The following DMXL1 variants were observed in gnomAD, a reference collection of about 807,000 sequenced individuals.
DMXL1 encodes the protein dmX-like protein 1.
In DMXL1, 99 loss-of-function variants were observed where a neutral mutation model predicts 319.2. The observed-to-expected ratio is 0.31, with a 90% CI of 0.26 to 0.37. The LOEUF (loss-of-function observed/expected upper bound fraction) is 0.37. Ranked by LOEUF, DMXL1 falls within the 10% of genes least tolerant of loss-of-function variation. The probability of loss-of-function intolerance (pLI) is 1.00; values close to 1 mark genes in which losing one functional copy is unlikely to be tolerated. For synonymous variants in DMXL1, 1,385 were observed against 1,235.2 expected, an observed-to-expected ratio of 1.12 and a Z score of -2.54; for missense variants, 3,745 against 3,595.6, an observed-to-expected ratio of 1.04 and a Z score of -1.06.
chr5:119,092,700 T>C (rs1386086782), intron 1 of DMXL1, among the ~76,000 whole-genome samples: 3 of 152,288 alleles, frequency 2.0e-5, no homozygotes, highest in Middle Eastern at 3.4e-3. Context: ...GCCACTTACA[T>C]TGCTTGTTTG....
At chr5:119,106,637 A>G (rs1361914157) in intron 4 of DMXL1, among the ~76,000 whole-genome samples, 1 of 152,194 alleles carries the variant, frequency 6.6e-6, no homozygotes, top group African/African-American at 2.4e-5. Context: ...GGCTAGTCAT[A>G]CAAGATTTAT....
At chr5:119,140,951 A>G (rs545032445) in intron 13 of DMXL1, among the ~76,000 whole-genome samples, 1 of 152,318 alleles carries the variant, frequency 6.6e-6, no homozygotes, top group East Asian at 1.9e-4. Flanking sequence ...GTTTTGTTCA[A>G]CATATGAAAA....
rs1315515365 is a variant in DMXL1 at position 119,170,604 on chromosome 5, G to T, written c.5813G>T (p.Gly1938Val). The change falls in exon 24 of 44, where the codon GGT (glycine) becomes GTT (valine). Residue 1938 changes from glycine to valine, a missense_variant. Gly to Val is a moderately radical substitution (Grantham distance 109). Coordinates refer to ENST00000539542, the MANE Select transcript of DMXL1 (RefSeq NM_001290321.3). ...LINGFGSSSE[G>V]SSEKQSNSTL... is the part of the protein sequence containing the mutation. ...AATGGTTTTGGATCTTCTTCAGAGG[G>T]TTCCTCAGAGAAGCAATCAAACTCC... 6 of 1,613,610 alleles carry T rather than the reference G, an allele frequency of 3.7e-6. No individual in the cohort carries two copies. Among genetic ancestry groups the T allele is most frequent in the Non-Finnish European group, 5.1e-6 (6 of 1,179,824 alleles).
At chr5:119,138,668 A>G (rs1766583971) in intron 13 of DMXL1, among the ~76,000 whole-genome samples, 1 of 152,098 alleles carries the variant, frequency 6.6e-6, no homozygotes, top group South Asian at 2.1e-4. Flanking sequence ...GTGAAACCCC[A>G]TCTATTAAAA....
intron 4 of DMXL1, among the ~76,000 whole-genome samples, chr5:119,106,914 A>G (rs955717189): frequency 2.0e-5 from 3 of 152,246 alleles, no homozygotes; most frequent in African/African-American, 7.2e-5. Context: ...GAGAGTATCT[A>G]TGACCACACA....
At chr5:119,198,012 G>A in intron 32 of DMXL1, 56 bp downstream of exon 32, 1 of 1,541,214 alleles carries the variant, frequency 6.5e-7, no homozygotes, top group South Asian at 1.1e-5. Flanking sequence ...TTTTTGAGAT[G>A]GTGTCTCGCT....
intron 39 of DMXL1, among the ~76,000 whole-genome samples, chr5:119,234,305 G>A (rs1012890300): frequency 1.3e-5 from 2 of 152,052 alleles, no homozygotes; most frequent in Non-Finnish European, 1.5e-5. Flanking sequence ...TATGTTATTA[G>A]CCCTTTACAA....
chr5:119,087,153 T>C (rs1035430004), intron 1 of DMXL1, among the ~76,000 whole-genome samples: 1 of 152,062 alleles, frequency 6.6e-6, no homozygotes, highest in Non-Finnish European at 1.5e-5. Flanking sequence ...TCTTTTTTTT[T>C]GTCTCTATTT....
At chr5:119,202,879 A>AT (rs1407112096) in intron 32 of DMXL1, among the ~76,000 whole-genome samples, 2 of 109,648 alleles carry the variant, frequency 1.8e-5, no homozygotes, top group Non-Finnish European at 3.9e-5. Context: ...ATATATATAT[A>AT]TATTTTTATA....
intron 1 of DMXL1, among the ~76,000 whole-genome samples, chr5:119,082,011 A>ATC (rs1752304972): frequency 1.4e-5 from 1 of 71,206 alleles, no homozygotes; most frequent in Non-Finnish European, 3.0e-5. Context: ...ATATATATAT[A>ATC]TATATATATA....
At chr5:119,198,654 G>T (rs1780096252) in intron 32 of DMXL1, among the ~76,000 whole-genome samples, 1 of 152,154 alleles carries the variant, frequency 6.6e-6, no homozygotes, top group African/African-American at 2.4e-5. Flanking sequence ...GATGGAACCA[G>T]TAGAGAGCTG....
At chr5:119,237,567 T>C (rs568811274) in intron 40 of DMXL1, among the ~76,000 whole-genome samples, 153 bp downstream of exon 40, 2 of 152,184 alleles carry the variant, frequency 1.3e-5, no homozygotes, top group Admixed American at 6.5e-5. Flanking sequence ...CCTTGTGTTA[T>C]GTGAAAATTA....
rs374663515 is a variant in DMXL1, at chr5:119,133,886, A to G, written c.1962A>G (p.Thr654=). 6.2e-7 allele frequency: 1 copy of G among 1,614,164 alleles called. No individual in the cohort carries two copies. The highest frequency in any genetic ancestry group is 1.7e-5 in the Admixed American group (1 of 60,014). The change falls in exon 12 of 44, where the codon ACA becomes ACG. Residue 654 remains threonine, a synonymous_variant. Coordinates refer to ENST00000539542, the MANE Select transcript of DMXL1 (RefSeq NM_001290321.3). The part of the protein sequence containing the change: ...ACHSVLPLLL[T]TSHHNALRTP... ...ACTCAGTATTACCATTATTGCTGAC[A>G]ACATCACACCATAATGCATTAAGGA...
chr5:119,126,351 A>G (rs898089387), intron 9 of DMXL1, among the ~76,000 whole-genome samples: 3 of 152,226 alleles, frequency 2.0e-5, no homozygotes, highest in Non-Finnish European at 4.4e-5. Context: ...GAACGTTTAT[A>G]TTATAATTAT....
At chr5:119,097,665 C>G (rs368249926) in intron 1 of DMXL1, among the ~76,000 whole-genome samples, 1 of 151,990 alleles carries the variant, frequency 6.6e-6, no homozygotes, top group African/African-American at 2.4e-5. Context: ...TGGAGTGAGC[C>G]GAGATTGCGC....
intron 1 of DMXL1, among the ~76,000 whole-genome samples, chr5:119,084,128 C>A (rs1257565392): frequency 6.8e-6 from 1 of 147,786 alleles, no homozygotes; most frequent in African/African-American, 2.5e-5. Flanking sequence ...CCCCTCACCC[C>A]TTTTTTTTTT....
At chr5:119,122,530 C>T (rs1311335474) in intron 9 of DMXL1, among the ~76,000 whole-genome samples, 1 of 151,646 alleles carries the variant, frequency 6.6e-6, no homozygotes, top group African/African-American at 2.4e-5. Flanking sequence ...GGCGGAGAGG[C>T]TCCTCACTTC....
chr5:119,133,686 T>C lies in DMXL1; in HGVS notation c.1762T>C (p.Leu588=). 6.2e-7 allele frequency: 1 copy of C among 1,614,210 alleles called. No homozygotes were observed. Among genetic ancestry groups the C allele is most frequent in the Non-Finnish European group, 8.5e-7 (1 of 1,180,024 alleles). ...SSGHNKSSNS[L]KLSIFTPNVM... Reference sequence around the variant, plus strand: ...TGGTCACAATAAATCATCTAATAGTTTAAAATTAAGTATTTTTACGCCTAA... The same window carrying C: ...TGGTCACAATAAATCATCTAATAGTCTAAAATTAAGTATTTTTACGCCTAA... The change falls in exon 12 of 44, where the codon TTA becomes CTA. Residue 588 remains leucine (L), a synonymous_variant. Transcript: ENST00000539542.
intron 19 of DMXL1, among the ~76,000 whole-genome samples, chr5:119,160,070 A>G (rs898051777): frequency 6.6e-6 from 1 of 151,878 alleles, no homozygotes; most frequent in African/African-American, 2.4e-5. Flanking sequence ...TTCTTCTGCT[A>G]ACTTTGGGCT....
Sources: gnomAD v4.1 joint callset for allele counts (sites outside exome capture counted in the v4.1 genomes callset) on GRCh38, gnomAD v4.1.1 for gene constraint, MANE v1.5 for transcripts, NCBI Gene and HGNC (gene_info 2026-07-23, HGNC 2026-07-21) for gene names.